NKAIN2: variants seen among roughly 807,000 people sequenced by gnomAD.
NKAIN2 encodes the protein sodium/potassium-transporting ATPase subunit beta-1-interacting protein 2.
NKAIN2 carries 14 observed loss-of-function variants against 32.6 expected under a neutral mutation model. That is an observed-to-expected ratio of 0.43 (90% CI 0.28 to 0.67). NKAIN2 has a LOEUF of 0.67. Ranked by LOEUF, NKAIN2 falls within the 30% of genes least tolerant of loss-of-function variation. The pLI, the probability that NKAIN2 is intolerant of heterozygous loss-of-function variation, is 0.17. For missense variants in NKAIN2, 198 were observed against 258.3 expected (o/e 0.77, Z 1.60); for synonymous variants, 80 against 87.2 (o/e 0.92, Z 0.46).
chr6:123,923,423 C>T lies in NKAIN2; in HGVS notation c.54+119169C>T, dbSNP rs116741840. Among the ~76,000 whole-genome samples the T allele has an allele frequency of 8.2e-3, 1,234 of 150,390 alleles. 15 individuals are homozygous for T. Among genetic ancestry groups the T allele is most frequent in the African/African-American group, 0.028 (1,151 of 40,962 alleles). ...TGTAAAGAAAGCCTTTGTTGCATTT[C>T]GCAGAGGCATGGGATTTGTAATGTC... On this transcript the variant is annotated intron_variant, in intron 1 of 6. Transcript: ENST00000368417.
At chr6:124,663,944 G>GA (rs542314588) in intron 4 of NKAIN2, among the ~76,000 whole-genome samples, 2 of 151,798 alleles carry the variant, frequency 1.3e-5, no homozygotes, top group Admixed American at 1.3e-4. Flanking sequence ...ACCTTAAGGA[G>GA]AAAAAAAACC....
intron 3 of NKAIN2, among the ~76,000 whole-genome samples, chr6:124,395,605 A>C (rs1208599263): frequency 2.0e-5 from 3 of 152,200 alleles, no homozygotes; most frequent in Non-Finnish European, 4.4e-5. Flanking sequence ...TCACAACTGA[A>C]ACTTAGCATG....
At chr6:123,848,222 C>T (rs1265983799) in intron 1 of NKAIN2, among the ~76,000 whole-genome samples, 1 of 152,104 alleles carries the variant, frequency 6.6e-6, no homozygotes, top group East Asian at 1.9e-4. Context: ...GATAAATAGC[C>T]ATACCCAGCA....
chr6:124,575,003 A>C (rs2114926682), intron 3 of NKAIN2, among the ~76,000 whole-genome samples: 1 of 152,322 alleles, frequency 6.6e-6, no homozygotes, highest in South Asian at 2.1e-4. Flanking sequence ...CAGTGTATAA[A>C]AATCTACCAC....
At chr6:124,780,740 T>G (rs1388237887) in intron 4 of NKAIN2, among the ~76,000 whole-genome samples, 1 of 152,208 alleles carries the variant, frequency 6.6e-6, no homozygotes, top group South Asian at 2.1e-4. Flanking sequence ...ATATGAGACT[T>G]GCCTTGCTCA....
intron 3 of NKAIN2, among the ~76,000 whole-genome samples, chr6:124,567,145 G>A (rs533617388): frequency 3.3e-5 from 5 of 152,130 alleles, no homozygotes; most frequent in East Asian, 1.9e-4. Context: ...TTATTGTATC[G>A]TCTGGTTCTG....
chr6:124,604,681 C>T (rs1391285935), intron 3 of NKAIN2, among the ~76,000 whole-genome samples: 2 of 151,454 alleles, frequency 1.3e-5, no homozygotes, highest in South Asian at 2.1e-4. Flanking sequence ...ATACAAAATC[C>T]GTTCCCTCAA....
intron 3 of NKAIN2, among the ~76,000 whole-genome samples, chr6:124,641,337 A>C (rs573981999): frequency 5.9e-5 from 9 of 152,168 alleles, no homozygotes; most frequent in Non-Finnish European, 1.3e-4. Context: ...TATCTGGACC[A>C]AGAAGGCAGT....
intron 1 of NKAIN2, among the ~76,000 whole-genome samples, chr6:124,210,354 TA>T (rs1231308584): frequency 5.3e-5 from 8 of 151,980 alleles, no homozygotes; most frequent in African/African-American, 1.9e-4. Context: ...GTAGTATAGT[TA>T]AAAGTCAGGT....
At chr6:123,847,160 A>G (rs895053040) in intron 1 of NKAIN2, among the ~76,000 whole-genome samples, 1 of 152,232 alleles carries the variant, frequency 6.6e-6, no homozygotes, top group Non-Finnish European at 1.5e-5. Flanking sequence ...TATATTTTTA[A>G]TGAACATGTA....
chr6:124,546,144 C>T (rs1017963208), intron 3 of NKAIN2, among the ~76,000 whole-genome samples: 3 of 152,158 alleles, frequency 2.0e-5, no homozygotes, highest in African/African-American at 2.4e-5. Context: ...GTTAACCTCA[C>T]GTACATTTCT....
chr6:124,518,713 C>T (rs1779015563), intron 3 of NKAIN2, among the ~76,000 whole-genome samples: 1 of 152,182 alleles, frequency 6.6e-6, no homozygotes, highest in Non-Finnish European at 1.5e-5. Flanking sequence ...CATATCCAAA[C>T]TCTATCAACA....
chr6:123,884,241 A>G (rs1426887532), intron 1 of NKAIN2, among the ~76,000 whole-genome samples: 1 of 152,106 alleles, frequency 6.6e-6, no homozygotes, highest in Non-Finnish European at 1.5e-5. Context: ...TGTAATGGAT[A>G]ATGGACTCCA....
intron 4 of NKAIN2, among the ~76,000 whole-genome samples, chr6:124,757,687 T>C (rs986673126): frequency 2.6e-5 from 4 of 152,182 alleles, no homozygotes; most frequent in African/African-American, 9.6e-5. Context: ...AAGATAATTG[T>C]CCCAGTGGGG....
At chr6:124,396,556 G>C (rs1011178941) in intron 3 of NKAIN2, among the ~76,000 whole-genome samples, 1 of 152,088 alleles carries the variant, frequency 6.6e-6, no homozygotes, top group Non-Finnish European at 1.5e-5. Context: ...AATGAAACAC[G>C]ATGAGTCAGA....
chr6:124,748,884 G>A (rs993415693), intron 4 of NKAIN2, among the ~76,000 whole-genome samples: 46 of 148,646 alleles, frequency 3.1e-4, no homozygotes, highest in African/African-American at 9.6e-4. Context: ...AAGTATATTC[G>A]TTTTCTATTG....
intron 2 of NKAIN2, among the ~76,000 whole-genome samples, chr6:124,319,711 C>A (rs566273868): frequency 2.6e-5 from 4 of 152,120 alleles, no homozygotes; most frequent in African/African-American, 9.6e-5. Flanking sequence ...AAATTTCCTG[C>A]CCTTTAATTT....
At chr6:124,821,294 C>CAA (rs11320821) in intron 6 of NKAIN2, among the ~76,000 whole-genome samples, 14 of 88,878 alleles carry the variant, frequency 1.6e-4, no homozygotes, top group African/African-American at 4.2e-4. Context: ...GGCTCTGTCT[C>CAA]AAAAAAAAAA....
intron 1 of NKAIN2, among the ~76,000 whole-genome samples, chr6:124,134,615 C>T (rs1159497408): frequency 2.0e-5 from 3 of 152,086 alleles, no homozygotes; most frequent in South Asian, 2.1e-4. Flanking sequence ...ACCCAGTAGG[C>T]GGAGGCTGCA....
Sources: allele counts gnomAD v4.1 joint callset (sites outside exome capture counted in the v4.1 genomes callset), GRCh38; gene constraint gnomAD v4.1.1; transcripts MANE v1.5; gene names NCBI Gene and HGNC (gene_info 2026-07-23, HGNC 2026-07-21).